The following PDE4D variants were observed in gnomAD, a reference collection of about 807,000 sequenced individuals.
PDE4D encodes the protein 3',5'-cyclic-AMP phosphodiesterase 4D.
PDE4D carries 24 observed loss-of-function variants against 87.4 expected under a neutral mutation model. That is an observed-to-expected ratio of 0.27 (90% CI 0.20 to 0.39). The LOEUF is 0.39. Ranked by LOEUF, PDE4D falls within the 10% of genes least tolerant of loss-of-function variation. The pLI is 1.00. For missense variants in PDE4D, 714 were observed against 1,041.0 expected (o/e 0.69, Z 4.32); for synonymous variants, 384 against 383.2 (o/e 1.00, Z -0.02).
In PDE4D at chr5:60,153,306, A is replaced by G. The variant is rs1052254532; in HGVS notation, c.42+32251T>C. On this transcript the variant is annotated intron_variant, in intron 2 of 16. Coordinates refer to the PDE4D transcript ENST00000502484. The stretch of plus-strand genomic sequence containing the variant: ...ACATCACTAATCATCAGGGAAATGC[A>G]AATCAAAACCACAATATCACCTCAC... Among the ~76,000 whole-genome samples the G allele has an allele frequency of 1.8e-4, 28 of 152,352 alleles. 1 individual carries two copies. The highest frequency in any genetic ancestry group is 6.0e-4 in the African/African-American group (25 of 41,570).
chr5:60,256,478 C>G (rs1562263628), intron 1 of PDE4D, among the ~76,000 whole-genome samples: 1 of 151,854 alleles, frequency 6.6e-6, no homozygotes, highest in East Asian at 1.9e-4. Context: ...ACCCTAAACT[C>G]ATGTGTCCTT....
At chr5:60,108,491 C>A (rs1348328357) in intron 2 of PDE4D, among the ~76,000 whole-genome samples, 2 of 152,156 alleles carry the variant, frequency 1.3e-5, no homozygotes, top group African/African-American at 4.8e-5. Context: ...ACTTTCTTCA[C>A]AGAATTGGAA....
chr5:59,123,253 T>C (rs1774869051), intron 5 of PDE4D, among the ~76,000 whole-genome samples: 1 of 152,150 alleles, frequency 6.6e-6, no homozygotes. Flanking sequence ...AAGTCACACA[T>C]AGTCTTCTTT....
At chr5:60,282,773 C>A (rs543143094) in intron 1 of PDE4D, among the ~76,000 whole-genome samples, 8 of 152,212 alleles carry the variant, frequency 5.3e-5, no homozygotes, top group African/African-American at 1.9e-4. Flanking sequence ...CAGTTCAATC[C>A]ACTACATATG....
intron 1 of PDE4D, among the ~76,000 whole-genome samples, chr5:60,487,245 A>G (rs1246523455): frequency 2.6e-5 from 4 of 152,184 alleles, no homozygotes; most frequent in Non-Finnish European, 5.9e-5. Context: ...TCCAATCACA[A>G]ATTCCAATCC....
At chr5:59,422,766 C>T (rs1197727881) in intron 1 of PDE4D, among the ~76,000 whole-genome samples, 4 of 152,070 alleles carry the variant, frequency 2.6e-5, no homozygotes, top group Non-Finnish European at 5.9e-5. Context: ...TTTTGGCAAG[C>T]GAGAGGCTGC....
chr5:59,246,115 G>A (rs13187400), intron 1 of PDE4D, among the ~76,000 whole-genome samples: 12 of 151,906 alleles, frequency 7.9e-5, no homozygotes, highest in African/African-American at 1.7e-4. Flanking sequence ...TTTTCCTGAT[G>A]AGTTTTGTTC....
At chr5:59,240,016 A>G (rs976481854) in intron 1 of PDE4D, among the ~76,000 whole-genome samples, 4 of 152,178 alleles carry the variant, frequency 2.6e-5, no homozygotes, top group Non-Finnish European at 5.9e-5. Context: ...TGGTATTTTA[A>G]TAAGATGGTC....
At chr5:59,919,010 A>C (rs1359197239) in intron 3 of PDE4D, among the ~76,000 whole-genome samples, 1 of 152,228 alleles carries the variant, frequency 6.6e-6, no homozygotes, top group African/African-American at 2.4e-5. Flanking sequence ...GCAGACTCAA[A>C]AATATATACA....
At chr5:59,064,652 C>T (rs1356488669) in intron 5 of PDE4D, among the ~76,000 whole-genome samples, 1 of 152,168 alleles carries the variant, frequency 6.6e-6, no homozygotes, top group Non-Finnish European at 1.5e-5. Flanking sequence ...CTCTATTAAA[C>T]CTCTCTAAAA....
rs147469999 is a variant in PDE4D at position 59,009,332 on chromosome 5, A to G, written c.922-15867T>C. Among the ~76,000 whole-genome samples the G allele has an allele frequency of 1.2e-3, 188 of 152,306 alleles. 2 individuals are homozygous for G. Among genetic ancestry groups the G allele is most frequent in the African/African-American group, 4.3e-3 (180 of 41,588 alleles). On this transcript the variant is annotated intron_variant, in intron 6 of 14. Transcript: ENST00000340635. The stretch of plus-strand genomic sequence containing the variant: ...CCAGAAACAGTTCAGATATCAGTCA[A>G]CTGGTGAATGGGTAAACAAATTGTG...
chr5:59,510,368 A>G (rs1810078347), intron 1 of PDE4D, among the ~76,000 whole-genome samples: 2 of 148,356 alleles, frequency 1.3e-5, no homozygotes, highest in Admixed American at 1.3e-4. Flanking sequence ...ACAAATACTA[A>G]TAAGAGAAAA....
At chr5:59,565,150 G>C (rs1820668584) in intron 1 of PDE4D, among the ~76,000 whole-genome samples, 1 of 152,130 alleles carries the variant, frequency 6.6e-6, no homozygotes, top group Non-Finnish European at 1.5e-5. Flanking sequence ...GGCTCCGCTT[G>C]GCTCTTAGGT....
At chr5:59,881,064 C>T (rs1749360591) in intron 1 of PDE4D, among the ~76,000 whole-genome samples, 1 of 152,080 alleles carries the variant, frequency 6.6e-6, no homozygotes, top group Non-Finnish European at 1.5e-5. Flanking sequence ...ATGATACATA[C>T]TCTTCTTCTT....
At chr5:59,218,393 C>G (rs1015426148) in intron 1 of PDE4D, among the ~76,000 whole-genome samples, 4 of 151,960 alleles carry the variant, frequency 2.6e-5, no homozygotes, top group Non-Finnish European at 4.4e-5. Context: ...CCAATTAAAT[C>G]AAGCAAGTCT....
chr5:59,450,788 T>G (rs1217613587), intron 1 of PDE4D, among the ~76,000 whole-genome samples: 1 of 152,170 alleles, frequency 6.6e-6, no homozygotes, highest in Non-Finnish European at 1.5e-5. Context: ...TCCCTCCTGT[T>G]ACCAACTCGG....
chr5:59,793,582 A>T (rs1324964669), intron 1 of PDE4D, among the ~76,000 whole-genome samples: 1 of 152,238 alleles, frequency 6.6e-6, no homozygotes, highest in African/African-American at 2.4e-5. Context: ...GAACATGAAC[A>T]TCTAGCCTTT....
chr5:60,036,823 C>G (rs2152864132), intron 2 of PDE4D, among the ~76,000 whole-genome samples: 1 of 152,302 alleles, frequency 6.6e-6, no homozygotes, highest in East Asian at 1.9e-4. Flanking sequence ...TTGGACACTT[C>G]AGGGTCCATT....
At chr5:59,514,040 C>G (rs1810728017) in intron 1 of PDE4D, among the ~76,000 whole-genome samples, 1 of 151,632 alleles carries the variant, frequency 6.6e-6, no homozygotes, top group African/African-American at 2.4e-5. Context: ...TAAATGAAAT[C>G]ATGAAGCAAA....
Sources: gnomAD v4.1 joint callset for allele counts (sites outside exome capture counted in the v4.1 genomes callset) on GRCh38, gnomAD v4.1.1 for gene constraint, MANE v1.5 for transcripts, NCBI Gene and HGNC (gene_info 2026-07-23, HGNC 2026-07-21) for gene names.